The following NOS1AP variants were observed in gnomAD, a reference collection of about 807,000 sequenced individuals.
NOS1AP encodes the protein carboxyl-terminal PDZ ligand of neuronal nitric oxide synthase protein.
In NOS1AP, 21 loss-of-function variants were observed where a neutral mutation model predicts 56.2. That is an observed-to-expected ratio of 0.37 (90% CI 0.26 to 0.54). NOS1AP has a LOEUF of 0.54. NOS1AP is among the 20% of genes least tolerant of loss of function. The probability of loss-of-function intolerance (pLI) is 0.84; values close to 1 mark genes in which losing one functional copy is unlikely to be tolerated. For synonymous variants in NOS1AP, 270 were observed against 274.6 expected, an observed-to-expected ratio of 0.98 and a Z score of 0.17; for missense variants, 522 against 657.8, an observed-to-expected ratio of 0.79 and a Z score of 2.26.
At chr1:162,319,858 T>C (rs1205319984) in intron 4 of NOS1AP, among the ~76,000 whole-genome samples, 1 of 152,158 alleles carries the variant, frequency 6.6e-6, no homozygotes, top group African/African-American at 2.4e-5. Flanking sequence ...TATTAAACTC[T>C]CTTCAGCCTA....
intron 4 of NOS1AP, among the ~76,000 whole-genome samples, chr1:162,326,498 C>T (rs1029938132): frequency 1.3e-5 from 2 of 152,116 alleles, no homozygotes; most frequent in East Asian, 1.9e-4. Context: ...TATAGGTACA[C>T]ATACTTAATA....
chr1:162,198,700 C>G (rs1333406218), intron 2 of NOS1AP, among the ~76,000 whole-genome samples: 1 of 152,120 alleles, frequency 6.6e-6, no homozygotes, highest in Non-Finnish European at 1.5e-5. Context: ...CTTTCATTAT[C>G]TCGTGGATTC....
At chr1:162,160,061 G>GGT (rs1650137746) in intron 2 of NOS1AP, among the ~76,000 whole-genome samples, 1 of 152,164 alleles carries the variant, frequency 6.6e-6, no homozygotes, top group Admixed American at 6.5e-5. Flanking sequence ...TGCAGCCTCT[G>GGT]GTGGCCAATA....
chr1:162,109,161 G>A (rs977511286), intron 1 of NOS1AP, among the ~76,000 whole-genome samples: 1 of 152,152 alleles, frequency 6.6e-6, no homozygotes, highest in Admixed American at 6.5e-5. Context: ...TCTCCAACTG[G>A]CCCCACCTTG....
In NOS1AP at chr1:162,128,758, A is replaced by G. The variant is rs192481039; in HGVS notation, c.106-25647A>G. On this transcript the variant is annotated intron_variant, in intron 1 of 9. Transcript: ENST00000361897. ...TAGCCTATGAATTCTACAAACAGGG[A>G]AAAAAAAATCTGTTTCACATCCCAC... Among the ~76,000 whole-genome samples, 945 of 149,278 alleles carry G rather than the reference A, an allele frequency of 6.3e-3. 37 individuals carry two copies. Among genetic ancestry groups the G allele is most frequent in the Admixed American group, 0.046 (688 of 14,818 alleles).
chr1:162,357,151 C>G lies in NOS1AP; in HGVS notation c.939+15C>G. The G allele has an allele frequency of 6.2e-7, 1 of 1,602,334 alleles. No individual in the cohort carries two copies. Among genetic ancestry groups the G allele is most frequent in the Non-Finnish European group, 8.5e-7 (1 of 1,179,380 alleles). On this transcript the variant is annotated intron_variant, in intron 8 of 9. Transcript: ENST00000361897. ...CTGTGGCCCAGGTTCTCCTCAGCCTCCTCCCTACTTCGCAGGCTCCACTCT... is the reference window on the plus strand; with the variant it reads ...CTGTGGCCCAGGTTCTCCTCAGCCTGCTCCCTACTTCGCAGGCTCCACTCT...
chr1:162,273,257 G>A (rs559310969), intron 2 of NOS1AP, among the ~76,000 whole-genome samples: 8 of 142,760 alleles, frequency 5.6e-5, no homozygotes, highest in Admixed American at 4.6e-4. Context: ...TCCGCCTCCC[G>A]GGTTCACGCC....
Position 162,358,163 on chromosome 1 carries a change from C to T in NOS1AP, c.939+1027C>T, listed in dbSNP as rs552774783. On this transcript the variant is annotated intron_variant, in intron 8 of 9. Coordinates refer to ENST00000361897, the MANE Select transcript of NOS1AP (RefSeq NM_014697.3). Reference sequence around the variant, plus strand: ...GGGGAGCAGACTTCTCCAGGGAGCACTTATTGCTCTCTGTTATGTCTTCTG... The same window carrying T: ...GGGGAGCAGACTTCTCCAGGGAGCATTTATTGCTCTCTGTTATGTCTTCTG... Among the ~76,000 whole-genome samples the T allele has an allele frequency of 1.4e-4, 22 of 152,304 alleles. No homozygotes were observed. The East Asian group carries it at 4.2e-3, about 29-fold the overall frequency.
chr1:162,120,437 T>C (rs1001230744), intron 1 of NOS1AP, among the ~76,000 whole-genome samples: 5 of 152,188 alleles, frequency 3.3e-5, no homozygotes, highest in African/African-American at 1.2e-4. Flanking sequence ...AGAATTTGTA[T>C]TAGTCCATTT....
intron 2 of NOS1AP, among the ~76,000 whole-genome samples, chr1:162,176,186 G>A (rs1449220419): frequency 6.6e-6 from 1 of 151,992 alleles, no homozygotes; most frequent in Non-Finnish European, 1.5e-5. Flanking sequence ...TAAAAAATTT[G>A]CATGCATTTA....
Position 162,213,120 on chromosome 1 carries a change from A to G in NOS1AP, c.177+58644A>G, listed in dbSNP as rs572236537. Among the ~76,000 whole-genome samples, 10 of 152,268 alleles carry G rather than the reference A, an allele frequency of 6.6e-5. No individual in the cohort carries two copies. In the South Asian group the frequency reaches 2.1e-3, roughly 32 times the overall value. ...CCGCCCACCTCCCCACCCTCAAGGA[A>G]TCTAGATACAGTTAGGGAGTCCCAG... is the stretch of plus-strand genomic sequence containing the variant. On this transcript the variant is annotated intron_variant, in intron 2 of 9. Coordinates refer to ENST00000361897, the MANE Select transcript of NOS1AP (RefSeq NM_014697.3).
intron 5 of NOS1AP, among the ~76,000 whole-genome samples, chr1:162,339,311 A>T (rs1182287563): frequency 2.0e-5 from 3 of 152,138 alleles, no homozygotes; most frequent in Non-Finnish European, 4.4e-5. Flanking sequence ...GGACGAGAAG[A>T]TTTGATCCGT....
chr1:162,097,399 A>T, intron 1 of NOS1AP, among the ~76,000 whole-genome samples: 1 of 152,162 alleles, frequency 6.6e-6, no homozygotes, highest in Non-Finnish European at 1.5e-5. Flanking sequence ...TTAAGATTTA[A>T]ATGTAAAATG....
At chr1:162,249,444 GA>G (rs1653779663) in intron 2 of NOS1AP, among the ~76,000 whole-genome samples, 1 of 152,192 alleles carries the variant, frequency 6.6e-6, no homozygotes, top group African/African-American at 2.4e-5. Flanking sequence ...CAGCTTGTAA[GA>G]ATCCCTTTCC....
intron 1 of NOS1AP, among the ~76,000 whole-genome samples, chr1:162,087,535 A>G (rs1474692295): frequency 6.6e-6 from 1 of 152,164 alleles, no homozygotes; most frequent in Non-Finnish European, 1.5e-5. Flanking sequence ...GACTTGAACT[A>G]GTCAACTTTC....
intron 8 of NOS1AP, among the ~76,000 whole-genome samples, chr1:162,362,614 G>C (rs1657942882): frequency 6.6e-6 from 1 of 152,156 alleles, no homozygotes; most frequent in Admixed American, 6.5e-5. Flanking sequence ...TTTCTCTCTG[G>C]TTGGTTTGGT....
intron 2 of NOS1AP, among the ~76,000 whole-genome samples, chr1:162,212,622 CA>C (rs1652391928): frequency 1.3e-5 from 2 of 152,076 alleles, no homozygotes; most frequent in South Asian, 4.2e-4. Flanking sequence ...AGGATAAGAA[CA>C]GGGGTAATTG....
At chr1:162,313,044 G>A (rs1456680652) in intron 4 of NOS1AP, among the ~76,000 whole-genome samples, 4 of 152,064 alleles carry the variant, frequency 2.6e-5, no homozygotes, top group Admixed American at 6.5e-5. Context: ...GGCAAAAACT[G>A]GAAGCATTCC....
intron 2 of NOS1AP, among the ~76,000 whole-genome samples, chr1:162,171,846 C>G (rs1405256716): frequency 6.6e-6 from 1 of 152,176 alleles, no homozygotes; most frequent in Non-Finnish European, 1.5e-5. Flanking sequence ...GCCAGCCTCT[C>G]TCCTTTCATG....
Sources: gnomAD v4.1 joint callset for allele counts (sites outside exome capture counted in the v4.1 genomes callset) on GRCh38, gnomAD v4.1.1 for gene constraint, MANE v1.5 for transcripts, NCBI Gene and HGNC (gene_info 2026-07-23, HGNC 2026-07-21) for gene names.